Variants in CSMD3 observed in about 807,000 individuals in gnomAD.
CSMD3 encodes the protein CUB and sushi domain-containing protein 3.
In CSMD3, 177 loss-of-function variants were observed where a neutral mutation model predicts 435.2. That is an observed-to-expected ratio of 0.41 (90% CI 0.36 to 0.46). The LOEUF is 0.46. Ranked by LOEUF, CSMD3 falls within the 20% of genes least tolerant of loss-of-function variation. The pLI is 0.34. For missense variants in CSMD3, 4,265 were observed against 4,504.6 expected (o/e 0.95, Z 1.52); for synonymous variants, 1,656 against 1,520.5 (o/e 1.09, Z -2.07).
chr8:113,093,969 A>G (rs547228764), intron 5 of CSMD3, among the ~76,000 whole-genome samples: 1 of 152,188 alleles, frequency 6.6e-6, no homozygotes, highest in Admixed American at 6.5e-5. Context: ...TGACTTAAAA[A>G]TTCTTATTCT....
chr8:112,801,223 T>C (rs1009077396), intron 12 of CSMD3, among the ~76,000 whole-genome samples: 1 of 152,004 alleles, frequency 6.6e-6, no homozygotes, highest in Non-Finnish European at 1.5e-5. Context: ...TTTCCTTTCA[T>C]TGTAAAAACC....
At chr8:112,744,931 T>C (rs1303987434) in intron 13 of CSMD3, among the ~76,000 whole-genome samples, 1 of 152,142 alleles carries the variant, frequency 6.6e-6, no homozygotes, top group Non-Finnish European at 1.5e-5. Context: ...TAAACCTATT[T>C]AAGGTTCTTA....
At chr8:113,266,181 T>TAA (rs34809876) in intron 3 of CSMD3, among the ~76,000 whole-genome samples, 3,539 of 131,778 alleles carry the variant, frequency 0.027, 75 homozygotes, top group African/African-American at 0.049. Context: ...CCCCTAAACT[T>TAA]AAAAAAAAAA....
At chr8:112,989,930 T>G (rs117161859) in intron 6 of CSMD3, among the ~76,000 whole-genome samples, 1 of 152,016 alleles carries the variant, frequency 6.6e-6, no homozygotes, top group African/African-American at 2.4e-5. Context: ...ATGGGGGCAG[T>G]TTTCCCCCTA....
intron 2 of CSMD3, among the ~76,000 whole-genome samples, chr8:113,305,672 C>T (rs930508682): frequency 2.6e-5 from 4 of 152,164 alleles, no homozygotes; most frequent in Non-Finnish European, 1.5e-5. Flanking sequence ...ACTCTGGAAT[C>T]CTTGCCTTAG....
intron 5 of CSMD3, among the ~76,000 whole-genome samples, chr8:113,023,016 T>C (rs1042882580): frequency 1.6e-4 from 24 of 152,072 alleles, no homozygotes; most frequent in South Asian, 4.1e-4. Flanking sequence ...ATTTTAAGAA[T>C]TAGTTAAACA....
chr8:112,310,683 T>A lies in CSMD3; in HGVS notation c.7885+295A>T, dbSNP rs1449870834. ...CTAACTCAGTCTTCCTCTCTTTCAA[T>A]AATTGTCTTAAAACAAAGTAACTGG... On this transcript the variant is annotated intron_variant, in intron 50 of 70. Coordinates refer to ENST00000297405, the MANE Select transcript of CSMD3 (RefSeq NM_198123.2). The A allele has an allele frequency of 6.8e-6, 3 of 441,760 alleles. 1 individual carries two copies. The highest frequency in any genetic ancestry group is 6.3e-5 in the South Asian group (3 of 47,798). The allele number at this position is 441,760 out of a possible 1,614,324, so 27.4% of individuals were successfully genotyped here.
At chr8:112,796,823 G>A (rs148274814) in intron 13 of CSMD3, among the ~76,000 whole-genome samples, 22 of 151,980 alleles carry the variant, frequency 1.4e-4, no homozygotes, top group Non-Finnish European at 2.8e-4. Context: ...GAATGGCCAC[G>A]ACTTTGTTAC....
At chr8:113,055,169 A>G (rs1016702103) in intron 5 of CSMD3, among the ~76,000 whole-genome samples, 1 of 151,952 alleles carries the variant, frequency 6.6e-6, no homozygotes, top group Non-Finnish European at 1.5e-5. Flanking sequence ...TCTTTCTTCC[A>G]CCAAAAAGTC....
At chr8:113,126,330 T>G (rs2091126687) in intron 4 of CSMD3, among the ~76,000 whole-genome samples, 1 of 151,934 alleles carries the variant, frequency 6.6e-6, no homozygotes, top group Non-Finnish European at 1.5e-5. Context: ...TGTGGCCTTT[T>G]AATGTCCAAG....
intron 5 of CSMD3, among the ~76,000 whole-genome samples, chr8:113,057,645 A>G (rs2088404648): frequency 6.6e-6 from 1 of 152,058 alleles, no homozygotes; most frequent in African/African-American, 2.4e-5. Flanking sequence ...TCATAAGAAA[A>G]TTTTGTTATT....
At chr8:112,372,993 T>A (rs992786710) in intron 38 of CSMD3, among the ~76,000 whole-genome samples, 4 of 117,970 alleles carry the variant, frequency 3.4e-5, no homozygotes, top group African/African-American at 1.1e-4. Context: ...ATATTTATAT[T>A]TTATATATAA....
In CSMD3 at chr8:113,074,910, C is replaced by T. The variant is rs76831351; in HGVS notation, c.917+23846G>A. ...ATCTTCCAGGAGAATAAAAAATAAACATTATGTCGTATCCAGACAATTCAA... is the reference window on the plus strand; with the variant it reads ...ATCTTCCAGGAGAATAAAAAATAAATATTATGTCGTATCCAGACAATTCAA... On this transcript the variant is annotated intron_variant, in intron 5 of 70. Transcript: ENST00000297405. 1.8e-3 allele frequency among the ~76,000 whole-genome samples: 273 copies of T among 151,778 alleles called. 2 individuals are homozygous for T. The highest frequency in any genetic ancestry group is 3.5e-3 in the South Asian group (17 of 4,820).
In CSMD3 at chr8:112,656,246, G is replaced by A. The variant is rs2131661638; in HGVS notation, c.2912C>T (p.Pro971Leu). The change falls in exon 18 of 71, where the codon CCC becomes CTC. Residue 971 changes from proline (P) to leucine (L), a missense_variant. This residue lies in a region of CSMD3 where 3,255 missense variants were observed against 3,380.2 expected (regional missense o/e 0.96). Transcript: ENST00000297405. ...ATTACTGCTACTAAATAGAAACTGG[G>A]GCACTTGGGTGCCATTGTAAGATCC... ...LLGSYNGTQVPQFLFSSSNFI... is the reference protein window; with the variant it reads ...LLGSYNGTQVLQFLFSSSNFI... The A allele has an allele frequency of 6.2e-7, 1 of 1,609,340 alleles. No homozygotes were observed. The highest frequency in any genetic ancestry group is 8.5e-7 in the Non-Finnish European group (1 of 1,175,902).
At chr8:112,665,034 G>A (rs1443844227) in intron 17 of CSMD3, among the ~76,000 whole-genome samples, 3 of 151,958 alleles carry the variant, frequency 2.0e-5, no homozygotes, top group Admixed American at 1.3e-4. Flanking sequence ...TTGAATTCCC[G>A]CATAAGAAAT....
Position 112,829,753 on chromosome 8 carries a change from T to A in CSMD3, c.1792A>T (p.Ile598Phe). 6.2e-7 allele frequency: 1 copy of A among 1,612,928 alleles called. No individual in the cohort carries two copies. The part of the protein sequence containing the change: ...QINFEEFDLE[I>F]GYDTLTIGDG... The stretch of plus-strand genomic sequence containing the variant: ...CCAATTGTCAAGGTATCATAGCCAA[T>A]CTCCAGATCAAATTCTTCAAAATTT... Residue 598 changes from isoleucine to phenylalanine, a missense_variant, in exon 12 of 71, where the codon ATT (isoleucine) becomes TTT (phenylalanine). Physicochemically the swap from Ile to Phe is conservative, Grantham distance 21. Transcript: ENST00000297405.
At position 113,212,894 on chromosome 8, in the gene CSMD3, T is replaced by A. The variant is rs1037570940; in HGVS notation, c.515-38978A>T. On this transcript the variant is annotated intron_variant, in intron 3 of 70. Transcript: ENST00000297405. ...CTAGAACTTAAAGTATAATAAAAAA[T>A]ATATATATATATTAAAAAAAAAAAA... is the stretch of plus-strand genomic sequence containing the variant. Among the ~76,000 whole-genome samples, 15 of 139,268 alleles carry A rather than the reference T, an allele frequency of 1.1e-4. 1 individual carries two copies. Among genetic ancestry groups the A allele is most frequent in the South Asian group, 4.6e-4 (2 of 4,386 alleles). 91.4% of individuals were successfully genotyped at this position (139,268 alleles called of 152,430 possible).
At chr8:113,106,890 CAT>C (rs79665239) in intron 4 of CSMD3, among the ~76,000 whole-genome samples, 79,292 of 135,780 alleles carry the variant, frequency 0.58, 21,207 homozygotes, top group East Asian at 0.81. Context: ...ATATAACTCA[CAT>C]GTGTTCACCC....
intron 6 of CSMD3, among the ~76,000 whole-genome samples, chr8:113,000,087 T>C (rs1448883499): frequency 6.6e-6 from 1 of 151,844 alleles, no homozygotes; most frequent in Non-Finnish European, 1.5e-5. Flanking sequence ...GAAGCCTGAA[T>C]AGAGATCAGA....
Sources: gnomAD v4.1 joint callset for allele counts (sites outside exome capture counted in the v4.1 genomes callset) on GRCh38, gnomAD v4.1.1 for gene constraint, gnomAD v4.1.1 regional missense constraint, MANE v1.5 for transcripts, NCBI Gene and HGNC (gene_info 2026-07-23, HGNC 2026-07-21) for gene names.